Variants in DLG2 observed in about 807,000 individuals in gnomAD.
DLG2 encodes disks large homolog 2.
DLG2 carries 45 observed loss-of-function variants against 132.5 expected under a neutral mutation model. That is an observed-to-expected ratio of 0.34 (90% CI 0.27 to 0.44). DLG2 has a LOEUF of 0.44. DLG2 is among the 20% of genes least tolerant of loss of function. The pLI, the probability that DLG2 is intolerant of heterozygous loss-of-function variation, is 1.00. For missense variants in DLG2, 1,045 were observed against 1,196.9 expected (o/e 0.87, Z 1.87); for synonymous variants, 424 against 419.6 (o/e 1.01, Z -0.13).
rs979440461 is a variant in DLG2 at position 85,590,633 on chromosome 11, T to TTC, written c.40+8022_40+8023dup. On this transcript the variant is annotated intron_variant, in intron 3 of 27. Coordinates refer to ENST00000376104, the MANE Select transcript of DLG2 (RefSeq NM_001142699.3). ...ATAATCTTTTAGAATTTTTTTTATA[T>TTC]TCTCTCTCTCTCTCTCTCTATATAT... Among the ~76,000 whole-genome samples the TTC allele has an allele frequency of 5.5e-3, 836 of 150,818 alleles. 10 individuals are homozygous for TTC. Among genetic ancestry groups the TTC allele is most frequent in the African/African-American group, 0.016 (664 of 41,244 alleles).
intron 7 of DLG2, among the ~76,000 whole-genome samples, chr11:84,449,971 A>G (rs1485629796): frequency 6.6e-6 from 1 of 151,934 alleles, no homozygotes; most frequent in East Asian, 1.9e-4. Flanking sequence ...GTATGTTTTT[A>G]AAGATGTTTT....
At chr11:84,985,362 C>T (rs1481714429) in intron 6 of DLG2, among the ~76,000 whole-genome samples, 3 of 152,048 alleles carry the variant, frequency 2.0e-5, no homozygotes, top group African/African-American at 4.8e-5. Context: ...ATTAAATAAC[C>T]TGCTCCCAAA....
At chr11:83,555,578 A>G (rs1680937666) in intron 19 of DLG2, among the ~76,000 whole-genome samples, 1 of 152,056 alleles carries the variant, frequency 6.6e-6, no homozygotes, top group Admixed American at 6.6e-5. Flanking sequence ...ACCAAAATCT[A>G]TGGGCAATGT....
At chr11:84,414,592 G>A (rs1239262419) in intron 7 of DLG2, among the ~76,000 whole-genome samples, 1 of 152,108 alleles carries the variant, frequency 6.6e-6, no homozygotes, top group Non-Finnish European at 1.5e-5. Flanking sequence ...GCTTACATGA[G>A]TATCCTTTGG....
intron 7 of DLG2, among the ~76,000 whole-genome samples, chr11:84,328,311 G>T (rs2098442820): frequency 6.6e-6 from 1 of 151,468 alleles, no homozygotes; most frequent in Non-Finnish European, 1.5e-5. Flanking sequence ...AAGGAAGGAA[G>T]GGTGGGCAAG....
At chr11:83,687,999 A>G (rs1298859709) in intron 18 of DLG2, among the ~76,000 whole-genome samples, 1 of 151,598 alleles carries the variant, frequency 6.6e-6, no homozygotes, top group Non-Finnish European at 1.5e-5. Flanking sequence ...TGACAGAGCA[A>G]GGCCCTGTCT....
At chr11:85,288,718 T>G (rs188277540) in intron 3 of DLG2, among the ~76,000 whole-genome samples, 83 of 152,204 alleles carry the variant, frequency 5.5e-4, no homozygotes, top group African/African-American at 2.0e-3. Flanking sequence ...TAAACATATC[T>G]GCAGCTACAG....
chr11:83,698,006 G>C (rs952616367), intron 18 of DLG2, among the ~76,000 whole-genome samples: 4 of 152,184 alleles, frequency 2.6e-5, no homozygotes, highest in Non-Finnish European at 4.4e-5. Flanking sequence ...TTACAGACTG[G>C]CTTGATTGTC....
chr11:84,740,793 C>T (rs2064510204), intron 6 of DLG2, among the ~76,000 whole-genome samples: 1 of 152,186 alleles, frequency 6.6e-6, no homozygotes, highest in Admixed American at 6.5e-5. Flanking sequence ...CCACCCTGAG[C>T]CCGCCAATCT....
chr11:84,821,961 A>G (rs959810751), intron 6 of DLG2, among the ~76,000 whole-genome samples: 9 of 150,164 alleles, frequency 6.0e-5, no homozygotes, highest in African/African-American at 2.2e-4. Context: ...AAAATTCAAA[A>G]TATCCTATAA....
intron 6 of DLG2, among the ~76,000 whole-genome samples, chr11:84,566,958 A>T (rs553933496): frequency 8.2e-4 from 125 of 152,312 alleles, no homozygotes; most frequent in Admixed American, 1.6e-3. Flanking sequence ...GCTGGTGGAA[A>T]CTCAGATGTT....
intron 8 of DLG2, among the ~76,000 whole-genome samples, chr11:84,172,325 A>T (rs1260157772): frequency 1.3e-5 from 2 of 152,104 alleles, no homozygotes; most frequent in African/African-American, 4.8e-5. Flanking sequence ...ACAATCACTG[A>T]TATTCTTAGT....
chr11:83,850,991 A>C (rs1173586345), intron 16 of DLG2, among the ~76,000 whole-genome samples: 1 of 152,024 alleles, frequency 6.6e-6, no homozygotes, highest in Non-Finnish European at 1.5e-5. Flanking sequence ...CCTGGCTAAC[A>C]CGGTGAAACC....
chr11:85,334,378 AC>A (rs1294755302), intron 3 of DLG2, among the ~76,000 whole-genome samples: 1 of 152,048 alleles, frequency 6.6e-6, no homozygotes, highest in African/African-American at 2.4e-5. Context: ...CTTTTAAAGA[AC>A]AAATTTTTTG....
intron 7 of DLG2, among the ~76,000 whole-genome samples, chr11:84,440,505 T>C (rs2154477264): frequency 6.6e-6 from 1 of 152,308 alleles, no homozygotes; most frequent in South Asian, 2.1e-4. Flanking sequence ...TGTGGGCAGA[T>C]GTGTCTGCTG....
intron 6 of DLG2, among the ~76,000 whole-genome samples, chr11:84,732,462 T>C (rs1006593069): frequency 2.6e-5 from 4 of 152,058 alleles, no homozygotes; most frequent in African/African-American, 2.4e-5. Flanking sequence ...GCCATTCTAA[T>C]AGATGTGTAA....
chr11:85,228,674 A>T (rs2152635529), intron 4 of DLG2, among the ~76,000 whole-genome samples: 1 of 151,950 alleles, frequency 6.6e-6, no homozygotes, highest in African/African-American at 2.4e-5. Context: ...GCTGTTACAT[A>T]GCTTATCCTT....
chr11:83,882,263 C>T (rs950200736), intron 15 of DLG2, among the ~76,000 whole-genome samples: 1 of 152,010 alleles, frequency 6.6e-6, no homozygotes, highest in Non-Finnish European at 1.5e-5. Context: ...TTGACCCTCA[C>T]ATATAAAAAA....
chr11:84,082,318 G>A (rs1202414260), intron 10 of DLG2, among the ~76,000 whole-genome samples: 2 of 152,024 alleles, frequency 1.3e-5, no homozygotes, highest in East Asian at 1.9e-4. Flanking sequence ...ATATGAAGGA[G>A]TATAATAAAT....
Sources: gnomAD v4.1 joint callset for allele counts (sites outside exome capture counted in the v4.1 genomes callset) on GRCh38, gnomAD v4.1.1 for gene constraint, MANE v1.5 for transcripts, NCBI Gene and HGNC (gene_info 2026-07-23, HGNC 2026-07-21) for gene names.